The following PRRX2 variants were observed in gnomAD, a reference collection of about 807,000 sequenced individuals.
PRRX2 encodes paired mesoderm homeobox protein 2.
Under a neutral mutation model 18.0 loss-of-function variants are expected in PRRX2, and 11 were observed. The observed-to-expected ratio is 0.61, with a 90% confidence interval of 0.39 to 1.01. The LOEUF (loss-of-function observed/expected upper bound fraction) is 1.01. Among genes scored for constraint, PRRX2 ranks in the 50% least tolerant of loss-of-function variants. PRRX2 has a pLI of 0.01. For synonymous variants in PRRX2, 177 were observed against 154.8 expected (o/e 1.14, Z -1.06); for missense variants, 387 against 351.0 (o/e 1.10, Z -0.82).
rs1832096102 is a variant in PRRX2 at position 129,671,235 on chromosome 9, T to C, written c.259+5109T>C. 6.6e-6 allele frequency among the ~76,000 whole-genome samples: 1 copy of C among 151,940 alleles called. No individual in the cohort carries two copies. Among genetic ancestry groups the C allele is most frequent in the South Asian group, 2.1e-4 (1 of 4,812 alleles). ...GGAGCAGGGAGGGAGGAGGAGTGAG[T>C]GAGAGGCTGAGTGCCCAGGGGGCCT... On this transcript the variant is annotated intron_variant, in intron 1 of 3. Coordinates refer to ENST00000372469, the MANE Select transcript of PRRX2 (RefSeq NM_016307.4). This position sits in a 1 kb window ranked among gnomAD's most constrained non-coding sequence, Gnocchi z 4.0.
intron 1 of PRRX2, among the ~76,000 whole-genome samples, chr9:129,690,677 T>C (rs1010959098): frequency 1.3e-5 from 2 of 151,924 alleles, no homozygotes; most frequent in African/African-American, 4.8e-5. Flanking sequence ...TGGCTAATTT[T>C]TTGTATTTTT....
rs1832147126 is a variant in PRRX2 at position 129,675,068 on chromosome 9, G to A, written c.259+8942G>A. Among the ~76,000 whole-genome samples, 1 of 152,144 alleles carries A rather than the reference G, an allele frequency of 6.6e-6. No homozygotes were observed. Among genetic ancestry groups the A allele is most frequent in the African/African-American group, 2.4e-5 (1 of 41,410 alleles). On this transcript the variant is annotated intron_variant, in intron 1 of 3. Coordinates refer to ENST00000372469, the MANE Select transcript of PRRX2 (RefSeq NM_016307.4). The surrounding 1 kb of genome is among the most constrained non-coding windows in gnomAD (Gnocchi z 4.4). ...TCCTCAGTTTACCCGAGTGGAAAGC[G>A]GTCCTCTCGAGGGGACAGAGAGGCC...
intron 1 of PRRX2, among the ~76,000 whole-genome samples, chr9:129,704,307 C>G (rs963653146): frequency 2.7e-4 from 41 of 152,276 alleles, no homozygotes; most frequent in African/African-American, 8.7e-4. Context: ...CTGGGCCACG[C>G]CATCCTCACT....
At chr9:129,680,398 C>T (rs7861577) in intron 1 of PRRX2, among the ~76,000 whole-genome samples, 7,593 of 101,824 alleles carry the variant, frequency 0.075, 314 homozygotes, top group African/African-American at 0.14. Flanking sequence ...GAGACTCCGT[C>T]TCAAAAAAAA....
intron 1 of PRRX2, among the ~76,000 whole-genome samples, chr9:129,693,914 C>T (rs1320925263): frequency 6.6e-6 from 1 of 152,182 alleles, no homozygotes; most frequent in African/African-American, 2.4e-5. Context: ...TAAGACGATG[C>T]CACACGTGAC....
intron 1 of PRRX2, among the ~76,000 whole-genome samples, chr9:129,666,579 C>T (rs566793681): frequency 6.9e-6 from 1 of 144,036 alleles, no homozygotes; most frequent in Non-Finnish European, 1.5e-5. Context: ...CCACCCCCCC[C>T]CACCCTCCAG....
chr9:129,722,489 GCTGT>G lies in PRRX2; in HGVS notation c.*138_*141del. 2 of 998,116 alleles carry G rather than the reference GCTGT, an allele frequency of 2.0e-6. No individual in the cohort carries two copies. Among genetic ancestry groups the G allele is most frequent in the Non-Finnish European group, 2.6e-6 (2 of 764,832 alleles). The allele number at this position is 998,116 out of a possible 1,614,324, so 61.8% of individuals were successfully genotyped here. ...CAGCCTGGACTCCCGAGCCCACGAG[GCTGT>G]TGAGGCCCCTGCAGCCGGGCCCAGC... is the stretch of plus-strand genomic sequence containing the variant. On this transcript the variant is annotated 3_prime_UTR_variant, in exon 4 of 4. Coordinates refer to ENST00000372469, the MANE Select transcript of PRRX2 (RefSeq NM_016307.4).
intron 1 of PRRX2, among the ~76,000 whole-genome samples, chr9:129,678,254 G>A (rs370998528): frequency 1.3e-5 from 2 of 152,312 alleles, no homozygotes; most frequent in South Asian, 2.1e-4. Flanking sequence ...GTGAGCCACT[G>A]TGCCCAGCCT....
At chr9:129,719,859 C>G (rs1255209662) in intron 2 of PRRX2, among the ~76,000 whole-genome samples, 1 of 152,084 alleles carries the variant, frequency 6.6e-6, no homozygotes, top group Admixed American at 6.5e-5. Flanking sequence ...TGCTGGCGCG[C>G]GCCTGTAATC....
In PRRX2 at chr9:129,680,363, T is replaced by C. The variant is rs191535133; in HGVS notation, c.259+14237T>C. ...TTGCAGTGCGCTGAGATCATGCCAC[T>C]GCACTCCAGCCTGGGTGACAGAGCG... On this transcript the variant is annotated intron_variant, in intron 1 of 3. Transcript: ENST00000372469. 1.9e-3 allele frequency among the ~76,000 whole-genome samples: 260 copies of C among 138,938 alleles called. 2 individuals are homozygous for C. Among genetic ancestry groups the C allele is most frequent in the Middle Eastern group, 4.2e-3 (1 of 236 alleles). The allele number at this position is 138,938 out of a possible 152,430, so 91.1% of individuals were successfully genotyped here.
rs1028605843 is a variant in PRRX2, at chr9:129,709,327, T to C, written c.260-9904T>C. Among the ~76,000 whole-genome samples the C allele has an allele frequency of 2.0e-5, 3 of 152,174 alleles. No individual in the cohort carries two copies. The highest frequency in any genetic ancestry group is 7.2e-5 in the African/African-American group (3 of 41,438). On this transcript the variant is annotated intron_variant, in intron 1 of 3. Coordinates refer to ENST00000372469, the MANE Select transcript of PRRX2 (RefSeq NM_016307.4). The surrounding 1 kb of genome is among the most constrained non-coding windows in gnomAD (Gnocchi z 4.2). ...GCTCCCGACCCCAGAGAGACCCAGA[T>C]ACACCGCAACTGCCTCCAAGCAGGG...
chr9:129,719,913 G>A (rs181233234), intron 2 of PRRX2, among the ~76,000 whole-genome samples: 1 of 152,296 alleles, frequency 6.6e-6, no homozygotes, highest in Admixed American at 6.5e-5. Context: ...CTTGAACTCG[G>A]GAGGTAGAGG....
At chr9:129,702,170 G>A (rs1832506636) in intron 1 of PRRX2, among the ~76,000 whole-genome samples, 2 of 152,032 alleles carry the variant, frequency 1.3e-5, no homozygotes, top group Admixed American at 1.3e-4. Flanking sequence ...GGCTGAGGCG[G>A]GTGGATCACG....
intron 1 of PRRX2, among the ~76,000 whole-genome samples, chr9:129,678,163 C>G (rs892098544): frequency 6.6e-6 from 1 of 151,910 alleles, no homozygotes; most frequent in African/African-American, 2.4e-5. Context: ...GGGGTTTTGT[C>G]ACGTTGGCCA....
chr9:129,686,873 G>C (rs2130916258), intron 1 of PRRX2, among the ~76,000 whole-genome samples: 1 of 152,314 alleles, frequency 6.6e-6, no homozygotes, highest in Middle Eastern at 3.4e-3. Context: ...GGCCTTGATG[G>C]GTCCAGCGGG....
At position 129,709,879 on chromosome 9, in the gene PRRX2, G is replaced by A. The variant is rs1832599788; in HGVS notation, c.260-9352G>A. On this transcript the variant is annotated intron_variant, in intron 1 of 3. Coordinates refer to ENST00000372469, the MANE Select transcript of PRRX2 (RefSeq NM_016307.4). This position sits in a 1 kb window ranked among gnomAD's most constrained non-coding sequence, Gnocchi z 4.2. ...AGGGCGGGCTCTGCAGGCTCACCCG[G>A]CCCTTCCCATGCCTCCCCTTCACTC... Among the ~76,000 whole-genome samples the A allele has an allele frequency of 1.3e-5, 2 of 152,114 alleles. No homozygotes were observed. Among genetic ancestry groups the A allele is most frequent in the Non-Finnish European group, 1.5e-5 (1 of 67,982 alleles).
At chr9:129,713,588 C>T (rs1052552177) in intron 1 of PRRX2, among the ~76,000 whole-genome samples, 1 of 151,812 alleles carries the variant, frequency 6.6e-6, no homozygotes, top group African/African-American at 2.4e-5. Flanking sequence ...GCAGCCTTGG[C>T]TTGGCCAGGC....
chr9:129,683,999 A>C (rs1253503009), intron 1 of PRRX2, among the ~76,000 whole-genome samples: 1 of 152,170 alleles, frequency 6.6e-6, no homozygotes, highest in Non-Finnish European at 1.5e-5. Context: ...AAATTCGCCC[A>C]GAGAGGGACC....
intron 1 of PRRX2, among the ~76,000 whole-genome samples, chr9:129,672,351 A>G (rs1000042261): frequency 4.6e-5 from 7 of 152,188 alleles, no homozygotes; most frequent in African/African-American, 1.7e-4. Flanking sequence ...CACAGGCCTC[A>G]CTGGAGTTGT....
Sources: gnomAD v4.1 joint callset for allele counts (sites outside exome capture counted in the v4.1 genomes callset) on GRCh38, gnomAD v4.1.1 for gene constraint, Gnocchi (gnomAD v3.1) non-coding constraint, MANE v1.5 for transcripts, NCBI Gene and HGNC (gene_info 2026-07-23, HGNC 2026-07-21) for gene names.